The following CTDSPL2 variants were observed in gnomAD, a reference collection of about 807,000 sequenced individuals.
The protein encoded by CTDSPL2 is CTD small phosphatase-like protein 2.
Under a neutral mutation model 60.0 loss-of-function variants are expected in CTDSPL2, and 5 were observed. The observed-to-expected ratio is 0.08, with a 90% CI of 0.04 to 0.18. The LOEUF (loss-of-function observed/expected upper bound fraction) is 0.18. CTDSPL2 is among the 10% of genes least tolerant of loss of function. The pLI is 1.00. For missense variants in CTDSPL2, 370 were observed against 548.8 expected, an observed-to-expected ratio of 0.67 and a Z score of 3.26; for synonymous variants, 186 against 189.3, an observed-to-expected ratio of 0.98 and a Z score of 0.14.
chr15:44,509,267 T>G lies in CTDSPL2; in HGVS notation c.970-5331T>G, dbSNP rs555287838. On this transcript the variant is annotated intron_variant, in intron 8 of 12. Coordinates refer to ENST00000260327, the MANE Select transcript of CTDSPL2 (RefSeq NM_016396.3). ...CCCAGGCTGGAGTGCAGTGGTGTGA[T>G]CTCAGCTCAGTGCAACCTCCACCTT... is the stretch of plus-strand genomic sequence containing the variant. 3.3e-5 allele frequency among the ~76,000 whole-genome samples: 5 copies of G among 152,262 alleles called. No individual in the cohort carries two copies. In the South Asian group the frequency reaches 1.0e-3, roughly 32 times the overall value.
chr15:44,430,714 G>A (rs2079839574), intron 1 of CTDSPL2, among the ~76,000 whole-genome samples: 1 of 152,182 alleles, frequency 6.6e-6, no homozygotes, highest in African/African-American at 2.4e-5. Context: ...TATCAAGTGT[G>A]CTGAGAGTTT....
chr15:44,487,129 C>T (rs923302950), intron 4 of CTDSPL2, among the ~76,000 whole-genome samples: 10 of 151,998 alleles, frequency 6.6e-5, no homozygotes, highest in Admixed American at 3.9e-4. Flanking sequence ...GTCAATGTCT[C>T]GTGTATGTTT....
intron 1 of CTDSPL2, among the ~76,000 whole-genome samples, chr15:44,435,438 C>T (rs1470966014): frequency 1.3e-5 from 2 of 151,298 alleles, no homozygotes; most frequent in Non-Finnish European, 2.9e-5. Context: ...GGCATGGTAG[C>T]GCATGCCTGT....
chr15:44,519,357 C>G lies in CTDSPL2; in HGVS notation c.1239+62C>G, dbSNP rs893431355. On this transcript the variant is annotated intron_variant, in intron 11 of 12. Coordinates refer to ENST00000260327, the MANE Select transcript of CTDSPL2 (RefSeq NM_016396.3). ...AAAATACAATGAAGACACATGCTGC[C>G]AAACAGAATATGATGGGAGAAGAAG... is the stretch of plus-strand genomic sequence containing the variant. 9.1e-6 allele frequency: 12 copies of G among 1,313,072 alleles called. No individual in the cohort carries two copies. In the African/African-American group the frequency reaches 1.5e-4, roughly 17 times the overall value. 81.3% of individuals were successfully genotyped at this position (1,313,072 alleles called of 1,614,324 possible).
intron 8 of CTDSPL2, among the ~76,000 whole-genome samples, chr15:44,504,665 T>C (rs373701963): frequency 1.3e-5 from 2 of 151,260 alleles, no homozygotes; most frequent in Non-Finnish European, 1.5e-5. Flanking sequence ...GCCTGGGAGT[T>C]TGAGACCGGC....
intron 4 of CTDSPL2, among the ~76,000 whole-genome samples, chr15:44,488,837 A>G (rs1337558125): frequency 2.0e-5 from 3 of 151,832 alleles, no homozygotes; most frequent in Non-Finnish European, 2.9e-5. Flanking sequence ...AAAACAAAAC[A>G]AAAAAAACAA....
chr15:44,449,107 G>T, intron 1 of CTDSPL2: 1 of 309,000 alleles, frequency 3.2e-6, no homozygotes, highest in Non-Finnish European at 6.4e-6. Context: ...ATTTCATTTG[G>T]GATGTTAGGA....
At chr15:44,466,192 C>T (rs912275925) in intron 2 of CTDSPL2, among the ~76,000 whole-genome samples, 3 of 152,082 alleles carry the variant, frequency 2.0e-5, no homozygotes, top group African/African-American at 7.2e-5. Flanking sequence ...CCGCCTCAGC[C>T]TCCCAAAGTG....
chr15:44,505,746 A>AG (rs954956937), intron 8 of CTDSPL2, among the ~76,000 whole-genome samples: 1 of 151,712 alleles, frequency 6.6e-6, no homozygotes, highest in Admixed American at 6.6e-5. Context: ...AAAAAAAAAA[A>AG]AAAAGAAAAG....
chr15:44,449,776 A>T (rs1340249444), intron 1 of CTDSPL2, among the ~76,000 whole-genome samples: 6 of 151,582 alleles, frequency 4.0e-5, no homozygotes, highest in African/African-American at 1.5e-4. Flanking sequence ...AATCACTTTG[A>T]GGTCAGGAGT....
chr15:44,509,924 T>TAA lies in CTDSPL2; in HGVS notation c.970-4670_970-4669dup, dbSNP rs572883495. On this transcript the variant is annotated intron_variant, in intron 8 of 12. Transcript: ENST00000260327. ...CTGGGCAACAGGGCGAGACTCCATT[T>TAA]AAAAATATATATATATATATTCATT... Among the ~76,000 whole-genome samples, 158 of 150,864 alleles carry TAA rather than the reference T, an allele frequency of 1.0e-3. 2 individuals carry two copies. Among genetic ancestry groups the TAA allele is most frequent in the African/African-American group, 3.7e-3 (152 of 40,600 alleles).
chr15:44,457,064 A>G (rs1181561466), intron 1 of CTDSPL2, among the ~76,000 whole-genome samples: 1 of 151,682 alleles, frequency 6.6e-6, no homozygotes, highest in African/African-American at 2.4e-5. Context: ...TTTTATAGAG[A>G]TGGGGTTTCA....
intron 2 of CTDSPL2, among the ~76,000 whole-genome samples, chr15:44,477,879 A>G (rs952867668): frequency 7.9e-5 from 12 of 152,128 alleles, no homozygotes; most frequent in Non-Finnish European, 1.8e-4. Flanking sequence ...TTTTATATGT[A>G]TTCACATATT....
chr15:44,428,115 AG>A (rs2079783571), intron 1 of CTDSPL2: 1 of 154,836 alleles, frequency 6.5e-6, no homozygotes, highest in South Asian at 2.1e-4. Context: ...TTAGAAGTTT[AG>A]CTTTTTTTAA....
intron 8 of CTDSPL2, among the ~76,000 whole-genome samples, chr15:44,510,298 C>T (rs935872651): frequency 6.6e-6 from 1 of 151,990 alleles, no homozygotes; most frequent in Non-Finnish European, 1.5e-5. Context: ...ATGCCTGGCA[C>T]CACAACACTC....
At chr15:44,514,968 AT>A in intron 10 of CTDSPL2, 124 bp downstream of exon 10, 1 of 588,054 alleles carries the variant, frequency 1.7e-6, no homozygotes. Flanking sequence ...ATATAAATGA[AT>A]TTTTTAAGCC....
intron 2 of CTDSPL2, among the ~76,000 whole-genome samples, chr15:44,468,934 C>T (rs1401810978): frequency 6.6e-6 from 1 of 152,170 alleles, no homozygotes; most frequent in Non-Finnish European, 1.5e-5. Context: ...TATGTATATG[C>T]TGTACTCCTG....
chr15:44,496,832 AAAAC>A (rs746573800), intron 6 of CTDSPL2, among the ~76,000 whole-genome samples, 191 bp from the exon 7 acceptor site: 4 of 152,350 alleles, frequency 2.6e-5, no homozygotes, highest in South Asian at 4.1e-4. Flanking sequence ...GACTGTCTCA[AAAAC>A]AAACAAACAA....
At chr15:44,509,943 A>ATT (rs2081537563) in intron 8 of CTDSPL2, among the ~76,000 whole-genome samples, 1 of 151,542 alleles carries the variant, frequency 6.6e-6, no homozygotes, top group Non-Finnish European at 1.5e-5. Flanking sequence ...ATATATATAT[A>ATT]TTCATTTTCT....
Sources: gnomAD v4.1 joint callset for allele counts (sites outside exome capture counted in the v4.1 genomes callset) on GRCh38, gnomAD v4.1.1 for gene constraint, MANE v1.5 for transcripts, NCBI Gene and HGNC (gene_info 2026-07-23, HGNC 2026-07-21) for gene names.